The following RBFOX3 variants were observed in gnomAD, a reference collection of about 807,000 sequenced individuals.
RBFOX3 encodes the protein RNA binding fox-1 homolog 3.
Under a neutral mutation model 48.7 loss-of-function variants are expected in RBFOX3, and 17 were observed. The ratio of observed to expected loss-of-function variants is 0.35; its 90% confidence interval spans 0.24 to 0.52. The LOEUF is 0.52. RBFOX3 is among the 20% of genes least tolerant of loss of function. The pLI, the probability that RBFOX3 is intolerant of heterozygous loss-of-function variation, is 0.94. For synonymous variants in RBFOX3, 212 were observed against 209.5 expected, an observed-to-expected ratio of 1.01 and a Z score of -0.10; for missense variants, 382 against 497.5, an observed-to-expected ratio of 0.77 and a Z score of 2.21.
intron 1 of RBFOX3, among the ~76,000 whole-genome samples, chr17:79,543,433 G>T (rs1347165299): frequency 2.0e-5 from 3 of 152,102 alleles, no homozygotes; most frequent in African/African-American, 4.8e-5. Flanking sequence ...TCTGAGGGTA[G>T]AATTTCCCCT....
At chr17:79,174,772 C>T (rs2050172541) in intron 4 of RBFOX3, among the ~76,000 whole-genome samples, 1 of 152,362 alleles carries the variant, frequency 6.6e-6, no homozygotes, top group South Asian at 2.1e-4. Flanking sequence ...ACACTTGCCC[C>T]ACTTAGCACA....
chr17:79,496,660 T>G (rs2081582597), intron 1 of RBFOX3, among the ~76,000 whole-genome samples: 1 of 152,122 alleles, frequency 6.6e-6, no homozygotes, highest in Non-Finnish European at 1.5e-5. Flanking sequence ...CAGAGGGGTT[T>G]GAGGCCACAA....
chr17:79,382,273 C>A (rs1173058136), intron 2 of RBFOX3, among the ~76,000 whole-genome samples: 1 of 152,204 alleles, frequency 6.6e-6, no homozygotes, highest in African/African-American at 2.4e-5. Context: ...AACCAGTTGT[C>A]AGGACAGCAG....
At position 79,443,090 on chromosome 17, in the gene RBFOX3, G is replaced by A. The variant is rs1413801941; in HGVS notation, c.-175+39364C>T. On this transcript the variant is annotated intron_variant, in intron 2 of 14. Coordinates refer to ENST00000693108, the MANE Select transcript of RBFOX3 (RefSeq NM_001350451.2). This position sits in a 1 kb window ranked among gnomAD's most constrained non-coding sequence, Gnocchi z 4.4. Reference sequence around the variant, plus strand: ...GCCAAAGGTGCACATGGACGAGACAGTGGTGGCCTCTGCCCCTGTGGACAA... The same window carrying A: ...GCCAAAGGTGCACATGGACGAGACAATGGTGGCCTCTGCCCCTGTGGACAA... Among the ~76,000 whole-genome samples the A allele has an allele frequency of 6.6e-6, 1 of 152,244 alleles. No individual in the cohort carries two copies. Among genetic ancestry groups the A allele is most frequent in the African/African-American group, 2.4e-5 (1 of 41,464 alleles).
At chr17:79,619,068 G>T in the RBFOX3 span, among the ~76,000 whole-genome samples, 1 of 152,172 alleles carries the variant, frequency 6.6e-6, no homozygotes, top group Non-Finnish European at 1.5e-5. Context: ...TAAGACGTTG[G>T]CTATAAGCAT....
chr17:79,305,501 G>A (rs895692470), intron 3 of RBFOX3, among the ~76,000 whole-genome samples: 1 of 152,212 alleles, frequency 6.6e-6, no homozygotes, highest in African/African-American at 2.4e-5. Flanking sequence ...GCAGGGCAGA[G>A]CCCTGCCCCC....
rs878854170 is a variant in RBFOX3, at chr17:79,103,263, A to G, written c.415-9T>C. The G allele has an allele frequency of 5.2e-6, 8 of 1,546,230 alleles. No individual in the cohort carries two copies. In the Admixed American group the frequency reaches 9.8e-5, roughly 19 times the overall value. The stretch of plus-strand genomic sequence containing the variant: ...GTTACAAACCCAAAACCCTGTGAGC[A>G]GAGGAGAGGGAAGGACAGGCACGGA... On this transcript the variant is annotated splice_polypyrimidine_tract_variant and intron_variant, in intron 7 of 14. Coordinates refer to ENST00000693108, the MANE Select transcript of RBFOX3 (RefSeq NM_001350451.2). The surrounding 1 kb of genome is among the most constrained non-coding windows in gnomAD (Gnocchi z 6.1).
At chr17:79,417,180 T>C (rs2065507153) in intron 2 of RBFOX3, among the ~76,000 whole-genome samples, 1 of 152,218 alleles carries the variant, frequency 6.6e-6, no homozygotes, top group Admixed American at 6.5e-5. Flanking sequence ...CTGCACAGCC[T>C]GGGGGAGAGG....
chr17:79,091,292 C>A lies in RBFOX3; in HGVS notation c.1078-407G>T, dbSNP rs577513340. 3.3e-5 allele frequency among the ~76,000 whole-genome samples: 5 copies of A among 152,344 alleles called. No homozygotes were observed. The East Asian group carries it at 9.7e-4, about 29-fold the overall frequency. ...AGCCCTCACTGGTGGGGAACCCACA[C>A]CCTCCAGCTGGCCTTCCAGCCCCAG... On this transcript the variant is annotated intron_variant, in intron 14 of 14. Coordinates refer to ENST00000693108, the MANE Select transcript of RBFOX3 (RefSeq NM_001350451.2).
intron 1 of RBFOX3, among the ~76,000 whole-genome samples, chr17:79,520,250 G>T (rs928726841): frequency 6.6e-5 from 10 of 152,232 alleles, no homozygotes; most frequent in Non-Finnish European, 1.5e-4. Context: ...GGCAAAGCAG[G>T]TGACGAGGCA....
chr17:79,656,774 G>GAGAGAGAGAGAGACAGAAAGA, the RBFOX3 span, among the ~76,000 whole-genome samples: 1 of 29,170 alleles, frequency 3.4e-5, no homozygotes, highest in African/African-American at 9.9e-5. Context: ...AGGAAGGAAG[G>GAGAGAGAGAGAGACAGAAAGA]AAGGAAAGAA....
chr17:79,188,106 C>T (rs796636335), intron 4 of RBFOX3, among the ~76,000 whole-genome samples: 26 of 152,338 alleles, frequency 1.7e-4, no homozygotes, highest in African/African-American at 5.5e-4. Context: ...AGGGATGAGC[C>T]GTCGGTGCAG....
Position 79,192,591 on chromosome 17 carries a change from G to A in RBFOX3, c.-34+43175C>T, listed in dbSNP as rs73412093. ...AGCTCCTTTTTCTAGGGGTGGACAC[G>A]GGGGCTGGATGTGGATGTCCATGGC... On this transcript the variant is annotated intron_variant, in intron 4 of 14. Transcript: ENST00000693108. Among the ~76,000 whole-genome samples the A allele has an allele frequency of 7.9e-3, 1,205 of 152,230 alleles. 27 individuals are homozygous for A. The highest frequency in any genetic ancestry group is 0.028 in the African/African-American group (1,146 of 41,540).
At chr17:79,550,872 AT>A (rs1403870142) in intron 1 of RBFOX3, among the ~76,000 whole-genome samples, 3 of 152,216 alleles carry the variant, frequency 2.0e-5, no homozygotes, top group Non-Finnish European at 4.4e-5. Context: ...ATGGACAGAA[AT>A]AATTTGACTT....
At chr17:79,261,332 C>T (rs1235762737) in intron 3 of RBFOX3, among the ~76,000 whole-genome samples, 6 of 152,230 alleles carry the variant, frequency 3.9e-5, no homozygotes, top group Non-Finnish European at 7.3e-5. Context: ...GGAGGGGGCA[C>T]GAGCACCCCG....
chr17:79,430,797 G>A (rs781928584), intron 2 of RBFOX3, among the ~76,000 whole-genome samples: 6 of 152,138 alleles, frequency 3.9e-5, no homozygotes, highest in South Asian at 2.1e-4. Context: ...CACCCGCCTC[G>A]GCCTCCCAAA....
At chr17:79,437,261 G>A (rs972458404) in intron 2 of RBFOX3, among the ~76,000 whole-genome samples, 4 of 152,168 alleles carry the variant, frequency 2.6e-5, no homozygotes, top group African/African-American at 4.8e-5. Flanking sequence ...CACTGCTGCC[G>A]GCTGGCCCTG....
At chr17:79,478,052 C>T (rs2078201780) in intron 2 of RBFOX3, among the ~76,000 whole-genome samples, 1 of 152,178 alleles carries the variant, frequency 6.6e-6, no homozygotes, top group Admixed American at 6.5e-5. Context: ...CCATGATCCC[C>T]CTCTCCCCGC....
chr17:79,497,985 A>C (rs2081804580), intron 1 of RBFOX3, among the ~76,000 whole-genome samples: 1 of 152,244 alleles, frequency 6.6e-6, no homozygotes, highest in Non-Finnish European at 1.5e-5. Context: ...AGGAGGCTCC[A>C]GAAGGTTATG....
Sources: gnomAD v4.1 joint callset for allele counts (sites outside exome capture counted in the v4.1 genomes callset) on GRCh38, gnomAD v4.1.1 for gene constraint, Gnocchi (gnomAD v3.1) non-coding constraint, MANE v1.5 for transcripts, NCBI Gene and HGNC (gene_info 2026-07-23, HGNC 2026-07-21) for gene names.